Variants in FRMPD1 observed in about 807,000 individuals in gnomAD.
The protein encoded by FRMPD1 is FERM and PDZ domain-containing protein 1.
In FRMPD1, 76 loss-of-function variants were observed where a neutral mutation model predicts 117.8. That is an observed-to-expected ratio of 0.65 (90% CI 0.54 to 0.78). The LOEUF is 0.78. FRMPD1 is among the 30% of genes least tolerant of loss of function. The probability of loss-of-function intolerance (pLI) is 0.00; values close to 1 mark genes in which losing one functional copy is unlikely to be tolerated. For missense variants in FRMPD1, 1,786 were observed against 1,964.5 expected (o/e 0.91, Z 1.72); for synonymous variants, 783 against 770.4 (o/e 1.02, Z -0.27).
chr9:37,697,431 G>A (rs995292003), intron 2 of FRMPD1, among the ~76,000 whole-genome samples: 2 of 152,158 alleles, frequency 1.3e-5, no homozygotes, highest in South Asian at 4.1e-4. Context: ...GCCGGGCGTG[G>A]TGGCAGGCGC....
rs764052240 is a variant in FRMPD1 at position 37,746,408 on chromosome 9, G to A, written c.4376G>A (p.Arg1459Gln). The A allele has an allele frequency of 2.1e-5, 34 of 1,613,098 alleles. No homozygotes were observed. The highest frequency in any genetic ancestry group is 4.5e-5 in the East Asian group (2 of 44,880). ...TGCACCTGGCACTTTACCGAAAGCC[G>A]GAGCCGCCTCTGCATGGGCTCCCAG... ...EKCTWHFTES[R>Q]SRLCMGSQKL... is the part of the protein sequence containing the mutation. Residue 1459 changes from arginine to glutamine, a missense_variant, in exon 16 of 16, where the codon CGG (arginine) becomes CAG (glutamine). Physicochemically the swap from Arg to Gln is conservative, Grantham distance 43. Transcript: ENST00000377765.
intron 2 of FRMPD1, among the ~76,000 whole-genome samples, chr9:37,706,835 C>T (rs1242216790): frequency 1.3e-5 from 2 of 152,158 alleles, no homozygotes; most frequent in African/African-American, 4.8e-5. Context: ...CCTGACAACT[C>T]CTTGTTTCTG....
Position 37,740,642 on chromosome 9 carries a change from A to C in FRMPD1, c.2114A>C (p.Asp705Ala). ...DPRLYEGSHA[D>A]YYSLCSSVSP... is the part of the protein sequence containing the mutation. ...AGGCTGTATGAAGGCAGCCACGCTG[A>C]CTACTACAGCCTGTGTTCCAGTGTC... The change falls in exon 15 of 16, where the codon GAC (aspartate) becomes GCC (alanine). Residue 705 changes from aspartate to alanine, a missense_variant. By Grantham distance (126) the Asp-to-Ala change is moderately radical (BLOSUM62 -2). Transcript: ENST00000377765. The surrounding 1 kb of genome is among the most constrained non-coding windows in gnomAD (Gnocchi z 4.2). 1 of 1,614,082 alleles carries C rather than the reference A, an allele frequency of 6.2e-7. No individual in the cohort carries two copies. Among genetic ancestry groups the C allele is most frequent in the Non-Finnish European group, 8.5e-7 (1 of 1,179,970 alleles).
rs1823779573 is a variant in FRMPD1 at position 37,729,739 on chromosome 9, C to T, written c.624C>T (p.Leu208=). 6.2e-7 allele frequency: 1 copy of T among 1,614,036 alleles called. No homozygotes were observed. The change falls in exon 8 of 16, where the codon CTC becomes CTT. Residue 208 remains leucine (L), a synonymous_variant. Transcript: ENST00000377765. The part of the protein sequence containing the change: ...EANTTVKDII[L]TVKEKLSIRS... ...TCTGTGCCTGCTAGGACATCATCCTCACCGTGAAGGAGAAGCTGTCCATCC... is the reference window on the plus strand; with the variant it reads ...TCTGTGCCTGCTAGGACATCATCCTTACCGTGAAGGAGAAGCTGTCCATCC...
chr9:37,727,942 T>C (rs1298517139), intron 7 of FRMPD1: 1 of 152,262 alleles, frequency 6.6e-6, no homozygotes, highest in Non-Finnish European at 1.5e-5. Context: ...TGAAAGTTTG[T>C]GTGCATCTAT....
chr9:37,683,288 G>T (rs1321330931), intron 1 of FRMPD1, among the ~76,000 whole-genome samples: 1 of 152,122 alleles, frequency 6.6e-6, no homozygotes, highest in Non-Finnish European at 1.5e-5. Flanking sequence ...ACACAAATTT[G>T]GTCACACAAC....
At chr9:37,672,392 AG>A (rs35288391) in intron 1 of FRMPD1, among the ~76,000 whole-genome samples, 39,755 of 151,890 alleles carry the variant, frequency 0.26, 6,955 homozygotes, top group African/African-American at 0.48. Context: ...GAGGCTTGAG[AG>A]GGGGAGTGGG....
At chr9:37,609,596 C>T in the FRMPD1 span, among the ~76,000 whole-genome samples, 1 of 152,232 alleles carries the variant, frequency 6.6e-6, no homozygotes, top group African/African-American at 2.4e-5. Context: ...AAACCACCAT[C>T]CTCTTTCACC....
chr9:37,723,405 G>A (rs1230023754), intron 6 of FRMPD1, among the ~76,000 whole-genome samples: 1 of 152,164 alleles, frequency 6.6e-6, no homozygotes, highest in East Asian at 1.9e-4. Flanking sequence ...GTCCTCATGG[G>A]TATCCCTTGA....
At chr9:37,739,490 G>T (rs1369895839) in intron 14 of FRMPD1, among the ~76,000 whole-genome samples, 1 of 152,094 alleles carries the variant, frequency 6.6e-6, no homozygotes, top group Non-Finnish European at 1.5e-5. Context: ...AGAACCTGCC[G>T]CTGGATGAGT....
intron 2 of FRMPD1, among the ~76,000 whole-genome samples, chr9:37,705,051 C>T (rs912562819): frequency 6.6e-6 from 1 of 151,978 alleles, no homozygotes; most frequent in African/African-American, 2.4e-5. Context: ...TGCCTAACAC[C>T]GAATGTACAT....
upstream of FRMPD1, among the ~76,000 whole-genome samples, chr9:37,646,284 T>G (rs1824139666): frequency 6.6e-6 from 1 of 152,194 alleles, no homozygotes; most frequent in African/African-American, 2.4e-5. Context: ...TGGATTCACT[T>G]CAGAAGGCTT....
the FRMPD1 span, among the ~76,000 whole-genome samples, chr9:37,616,409 G>A: frequency 2.0e-5 from 3 of 152,096 alleles, no homozygotes; most frequent in African/African-American, 4.8e-5. Context: ...GAGCCACTGC[G>A]CCCGGCCCAC....
intron 1 of FRMPD1, among the ~76,000 whole-genome samples, chr9:37,685,436 G>T (rs1320563291): frequency 3.3e-5 from 5 of 152,016 alleles, no homozygotes; most frequent in East Asian, 1.9e-4. Context: ...AAAGTCAGGA[G>T]ATCGAGACTA....
rs1382481795 is a variant in FRMPD1 at position 37,729,867 on chromosome 9, A to AC, written c.738+16dup. 18 of 1,611,790 alleles carry AC rather than the reference A, an allele frequency of 1.1e-5. No homozygotes were observed. Among genetic ancestry groups the AC allele is most frequent in the Middle Eastern group, 1.6e-4 (1 of 6,076 alleles). On this transcript the variant is annotated intron_variant, in intron 8 of 15. Transcript: ENST00000377765. The stretch of plus-strand genomic sequence containing the variant: ...CTCATCCAGCAGGTAGGGAGGACTG[A>AC]CCGCCTGTTCCTGGGAGGCATGGGC...
rs143945115 is a variant in FRMPD1 at position 37,718,026 on chromosome 9, T to G, written c.409-1043T>G. The stretch of plus-strand genomic sequence containing the variant: ...TTCCCTGCTTTTCTACTAATTTTTT[T>G]TGTTTTAAAGCAAATTATATATTTG... On this transcript the variant is annotated intron_variant, in intron 5 of 15. Transcript: ENST00000377765. Among the ~76,000 whole-genome samples, 4 of 152,342 alleles carry G rather than the reference T, an allele frequency of 2.6e-5. No homozygotes were observed. The East Asian group carries it at 5.8e-4, about 22-fold the overall frequency.
intron 2 of FRMPD1, among the ~76,000 whole-genome samples, chr9:37,699,321 C>CTT (rs3076723): frequency 0.19 from 25,771 of 137,838 alleles, 2,717 homozygotes; most frequent in Non-Finnish European, 0.25. Flanking sequence ...CTGTCTCTCT[C>CTT]TTTTTTTTTT....
upstream of FRMPD1, among the ~76,000 whole-genome samples, chr9:37,649,725 G>C (rs1820608067): frequency 6.6e-6 from 1 of 152,202 alleles, no homozygotes; most frequent in Non-Finnish European, 1.5e-5. Flanking sequence ...ATCCCAGTCT[G>C]ATGGTGCCTC....
chr9:37,687,421 C>T lies in FRMPD1; in HGVS notation c.-4-5217C>T, dbSNP rs552411230. 3.5e-3 allele frequency among the ~76,000 whole-genome samples: 535 copies of T among 152,228 alleles called. 3 individuals are homozygous for T. The highest frequency in any genetic ancestry group is 4.0e-3 in the Non-Finnish European group (275 of 68,016). Reference sequence around the variant, plus strand: ...TGCTTTTAAATCTCCTTTCCTAGACCCCATAGGAAAGCGTGATGCTCAGAC... The same window carrying T: ...TGCTTTTAAATCTCCTTTCCTAGACTCCATAGGAAAGCGTGATGCTCAGAC... On this transcript the variant is annotated intron_variant, in intron 1 of 15. Coordinates refer to ENST00000377765, the MANE Select transcript of FRMPD1 (RefSeq NM_014907.3).
Sources: gnomAD v4.1 joint callset for allele counts (sites outside exome capture counted in the v4.1 genomes callset) on GRCh38, gnomAD v4.1.1 for gene constraint, Gnocchi (gnomAD v3.1) non-coding constraint, MANE v1.5 for transcripts, NCBI Gene and HGNC (gene_info 2026-07-23, HGNC 2026-07-21) for gene names.